The following CHRM3 variants were observed in gnomAD, a reference collection of about 807,000 sequenced individuals.
CHRM3 encodes the protein cholinergic receptor muscarinic 3, also known as muscarinic acetylcholine receptor M3.
Under a neutral mutation model 41.8 loss-of-function variants are expected in CHRM3, and 11 were observed. That is an observed-to-expected ratio of 0.26 (90% CI 0.17 to 0.44). The LOEUF is 0.44. Ranked by LOEUF, CHRM3 falls within the 20% of genes least tolerant of loss-of-function variation. The pLI, the probability that CHRM3 is intolerant of heterozygous loss-of-function variation, is 1.00. For missense variants in CHRM3, 571 were observed against 745.4 expected (o/e 0.77, Z 2.72); for synonymous variants, 297 against 301.4 (o/e 0.99, Z 0.15).
intron 6 of CHRM3, among the ~76,000 whole-genome samples, chr1:239,886,997 G>T (rs1026708094): frequency 2.0e-5 from 3 of 152,010 alleles, no homozygotes; most frequent in African/African-American, 7.2e-5. Flanking sequence ...GTCCTGATTT[G>T]TCTCTTTGTC....
intron 5 of CHRM3, among the ~76,000 whole-genome samples, chr1:239,808,123 G>A (rs1288729046): frequency 6.6e-6 from 1 of 152,058 alleles, no homozygotes; most frequent in Non-Finnish European, 1.5e-5. Context: ...TATCTGACTA[G>A]CCCCAAAGTC....
chr1:239,702,267 T>A (rs1426769709), intron 5 of CHRM3, among the ~76,000 whole-genome samples: 1 of 152,114 alleles, frequency 6.6e-6, no homozygotes, highest in East Asian at 1.9e-4. Context: ...CTATACCCAG[T>A]TATTCTAACA....
intron 1 of CHRM3, among the ~76,000 whole-genome samples, chr1:239,390,819 G>C (rs929768344): frequency 6.6e-6 from 1 of 152,162 alleles, no homozygotes; most frequent in Non-Finnish European, 1.5e-5. Context: ...ATCTCCATTA[G>C]TGTTGTCTTC....
intron 5 of CHRM3, among the ~76,000 whole-genome samples, chr1:239,818,560 T>C (rs990493256): frequency 6.6e-5 from 10 of 152,166 alleles, no homozygotes; most frequent in Non-Finnish European, 1.0e-4. Context: ...GTAGCCCTGC[T>C]TCTCACACAG....
intron 1 of CHRM3, among the ~76,000 whole-genome samples, chr1:239,404,719 A>AATATATATATATATATAT (rs67746016): frequency 4.1e-5 from 4 of 97,352 alleles, no homozygotes; most frequent in Non-Finnish European, 6.0e-5. Context: ...GCTATATCTA[A>AATATATATATATATATAT]ATATATATAT....
chr1:239,726,795 CTG>C (rs548558939), intron 5 of CHRM3, among the ~76,000 whole-genome samples: 189 of 152,004 alleles, frequency 1.2e-3, no homozygotes, highest in South Asian at 3.7e-3. Context: ...GTTGATGAGA[CTG>C]TGTGTTTGTT....
chr1:239,817,516 G>A (rs1485234164), intron 5 of CHRM3, among the ~76,000 whole-genome samples: 1 of 151,890 alleles, frequency 6.6e-6, no homozygotes, highest in Non-Finnish European at 1.5e-5. Flanking sequence ...GGGACCTCCT[G>A]CAATATCTCA....
At chr1:239,749,947 C>T (rs1199673698) in intron 5 of CHRM3, among the ~76,000 whole-genome samples, 2 of 152,174 alleles carry the variant, frequency 1.3e-5, no homozygotes, top group African/African-American at 4.8e-5. Flanking sequence ...AATACCACGG[C>T]TTTGAATCTC....
chr1:239,742,065 C>A (rs547788182), intron 5 of CHRM3, among the ~76,000 whole-genome samples: 8 of 147,426 alleles, frequency 5.4e-5, no homozygotes, highest in African/African-American at 1.5e-4. Context: ...TGTTACAATT[C>A]TTGCCTTATC....
intron 3 of CHRM3, among the ~76,000 whole-genome samples, chr1:239,602,296 A>G (rs1290696648): frequency 6.6e-6 from 1 of 151,828 alleles, no homozygotes; most frequent in Non-Finnish European, 1.5e-5. Flanking sequence ...AAACATGGAC[A>G]ATTTTAGGTA....
At chr1:239,713,344 G>A (rs1162130492) in intron 5 of CHRM3, among the ~76,000 whole-genome samples, 2 of 152,034 alleles carry the variant, frequency 1.3e-5, no homozygotes, top group Non-Finnish European at 2.9e-5. Context: ...TTATACTGTC[G>A]ATTCTCTAGG....
At chr1:239,783,132 G>A (rs1668628823) in intron 5 of CHRM3, among the ~76,000 whole-genome samples, 1 of 151,974 alleles carries the variant, frequency 6.6e-6, no homozygotes, top group Admixed American at 6.6e-5. Flanking sequence ...GTATTTTTGA[G>A]CTCAACTATG....
At chr1:239,825,594 A>G (rs1361958624) in intron 5 of CHRM3, among the ~76,000 whole-genome samples, 1 of 152,234 alleles carries the variant, frequency 6.6e-6, no homozygotes, top group Non-Finnish European at 1.5e-5. Context: ...TAGCAGCATT[A>G]TTCACAATAC....
At chr1:239,838,997 C>G (rs1354518876) in intron 6 of CHRM3, among the ~76,000 whole-genome samples, 1 of 152,214 alleles carries the variant, frequency 6.6e-6, no homozygotes, top group Non-Finnish European at 1.5e-5. Flanking sequence ...GATAGGTTTT[C>G]TATGAAGACA....
At chr1:239,514,069 C>A (rs956167489) in intron 2 of CHRM3, among the ~76,000 whole-genome samples, 5 of 152,088 alleles carry the variant, frequency 3.3e-5, no homozygotes, top group African/African-American at 1.2e-4. Context: ...TTGGGTAATG[C>A]CAGTCCTCCA....
chr1:239,590,126 G>A (rs1354289547), intron 3 of CHRM3, among the ~76,000 whole-genome samples: 2 of 152,126 alleles, frequency 1.3e-5, no homozygotes, highest in Non-Finnish European at 2.9e-5. Flanking sequence ...CATCTAGTCT[G>A]TCTCCTTTCT....
intron 6 of CHRM3, among the ~76,000 whole-genome samples, chr1:239,866,739 A>G (rs1449101109): frequency 1.3e-5 from 2 of 152,344 alleles, no homozygotes; most frequent in South Asian, 4.1e-4. Flanking sequence ...GTGTGCAAGG[A>G]AATTCACTGG....
At chr1:239,648,761 A>G (rs1671974401) in intron 4 of CHRM3, among the ~76,000 whole-genome samples, 1 of 152,228 alleles carries the variant, frequency 6.6e-6, no homozygotes, top group Admixed American at 6.5e-5. Context: ...GTAAGTCAGA[A>G]GAGCTCATGC....
chr1:239,820,844 A>AC (rs1214785762), intron 5 of CHRM3, among the ~76,000 whole-genome samples: 11 of 152,140 alleles, frequency 7.2e-5, no homozygotes, highest in Non-Finnish European at 7.3e-5. Flanking sequence ...TACCACATAT[A>AC]CCCCCCAAAT....
Sources: allele counts gnomAD v4.1 joint callset (sites outside exome capture counted in the v4.1 genomes callset), GRCh38; gene constraint gnomAD v4.1.1; transcripts MANE v1.5; gene names NCBI Gene and HGNC (gene_info 2026-07-23, HGNC 2026-07-21).